The following MAP4K3 variants were observed in gnomAD, a reference collection of about 807,000 sequenced individuals.
MAP4K3 encodes MAPK/ERK kinase kinase kinase 3.
In MAP4K3, 94 loss-of-function variants were observed where a neutral mutation model predicts 143.5. That is an observed-to-expected ratio of 0.65 (90% CI 0.55 to 0.78). MAP4K3 has a LOEUF of 0.78. MAP4K3 is among the 30% of genes least tolerant of loss of function. MAP4K3 has a pLI of 0.00. For missense variants in MAP4K3, 1,077 were observed against 1,068.1 expected (o/e 1.01, Z -0.12); for synonymous variants, 416 against 347.2 (o/e 1.20, Z -2.20).
intron 1 of MAP4K3, among the ~76,000 whole-genome samples, chr2:39,403,516 C>G (rs11680220): frequency 0.36 from 54,648 of 151,844 alleles, 11,490 homozygotes; most frequent in East Asian, 0.76. Context: ...TCAGCTGACA[C>G]CCGACCATGG....
chr2:39,359,593 C>G (rs1258426494), intron 2 of MAP4K3, among the ~76,000 whole-genome samples: 1 of 152,272 alleles, frequency 6.6e-6, no homozygotes, highest in Non-Finnish European at 1.5e-5. Context: ...CCCTTCTGCA[C>G]TGCCCTAGCA....
rs773937553 is a variant in MAP4K3 at position 39,343,389 on chromosome 2, G to A, written c.309C>T (p.His103=). The change falls in exon 4 of 34, where the codon CAC becomes CAT. Residue 103 remains histidine (H), a splice_region_variant and synonymous_variant. Coordinates refer to ENST00000263881, the MANE Select transcript of MAP4K3 (RefSeq NM_003618.4). The stretch of plus-strand genomic sequence containing the variant: ...ATAAAAATACAACTTTGGTCTTACC[G>A]TGATAAATATCCTGTAAAGAACCAC... ...CGGGSLQDIY[H]VTGPLSELQI... 31 of 1,610,368 alleles carry A rather than the reference G, an allele frequency of 1.9e-5. No individual in the cohort carries two copies. Among genetic ancestry groups the A allele is most frequent in the African/African-American group, 8.0e-5 (6 of 74,788 alleles).
chr2:39,327,410 C>A (rs1011046724), intron 8 of MAP4K3, among the ~76,000 whole-genome samples: 1 of 152,106 alleles, frequency 6.6e-6, no homozygotes, highest in Non-Finnish European at 1.5e-5. Flanking sequence ...TACTTTGCTA[C>A]AGTCTTATTC....
At chr2:39,394,114 T>G (rs1055064765) in intron 1 of MAP4K3, among the ~76,000 whole-genome samples, 2 of 152,222 alleles carry the variant, frequency 1.3e-5, no homozygotes, top group African/African-American at 4.8e-5. Flanking sequence ...TATAAAAATT[T>G]TTCTACCATT....
chr2:39,383,271 G>A (rs1034934284), intron 1 of MAP4K3, among the ~76,000 whole-genome samples: 1 of 152,164 alleles, frequency 6.6e-6, no homozygotes, highest in African/African-American at 2.4e-5. Context: ...CAAGGCAAAA[G>A]GGGAAGCAAA....
In MAP4K3 at chr2:39,249,422, T is replaced by G. The variant is rs984551976; in HGVS notation, c.*1196A>C. ...CTCACATTAAAATATAAAGAACATA[T>G]ACCAAAAAGAGCCAAAAGTGTGCAT... is the stretch of plus-strand genomic sequence containing the variant. On this transcript the variant is annotated 3_prime_UTR_variant, in exon 34 of 34. Coordinates refer to ENST00000263881, the MANE Select transcript of MAP4K3 (RefSeq NM_003618.4). The G allele has an allele frequency of 6.6e-6, 1 of 152,558 alleles. No individual in the cohort carries two copies. The highest frequency in any genetic ancestry group is 2.4e-5 in the African/African-American group (1 of 41,442). The allele number at this position is 152,558 out of a possible 1,614,324, so 9.5% of individuals were successfully genotyped here.
rs1434354763 is a variant in MAP4K3 at position 39,419,117 on chromosome 2, T to C, written c.96+17775A>G. Among the ~76,000 whole-genome samples the C allele has an allele frequency of 3.3e-5, 5 of 152,154 alleles. No homozygotes were observed. In the South Asian group the frequency reaches 1.0e-3, roughly 31 times the overall value. ...TAAAAATCTTATATAGTAAGTGAAA[T>C]ATTTTAAATAATGTTTTAAATAGTA... is the stretch of plus-strand genomic sequence containing the variant. On this transcript the variant is annotated intron_variant, in intron 1 of 33. Coordinates refer to ENST00000263881, the MANE Select transcript of MAP4K3 (RefSeq NM_003618.4).
intron 21 of MAP4K3, among the ~76,000 whole-genome samples, chr2:39,283,183 T>C (rs1681614517): frequency 6.6e-6 from 1 of 152,174 alleles, no homozygotes; most frequent in Non-Finnish European, 1.5e-5. Flanking sequence ...AAACTACTGA[T>C]ACACAGGGTC....
At position 39,268,634 on chromosome 2, in the gene MAP4K3, A is replaced by ATTTTTTTTTT. The variant is rs70954799; in HGVS notation, c.1974-1397_1974-1388dup. Reference sequence around the variant, plus strand: ...CTGTGCCCGGCTAAAGATTTTTTCTATTTTTTTTTTTTTTTTTTTTTTTGA... The same window carrying ATTTTTTTTTT: ...CTGTGCCCGGCTAAAGATTTTTTCTATTTTTTTTTTTTTTTTTTTTTTTTTTTTTTTTTGA... On this transcript the variant is annotated intron_variant, in intron 26 of 33. Coordinates refer to ENST00000263881, the MANE Select transcript of MAP4K3 (RefSeq NM_003618.4). 2.4e-3 allele frequency among the ~76,000 whole-genome samples: 180 copies of ATTTTTTTTTT among 73,786 alleles called. 24 individuals carry two copies. The highest frequency in any genetic ancestry group is 3.5e-3 in the Admixed American group (15 of 4,260). 48.4% of individuals were successfully genotyped at this position (73,786 alleles called of 152,430 possible).
intron 15 of MAP4K3, among the ~76,000 whole-genome samples, chr2:39,302,004 C>CAG (rs1558633535): frequency 6.6e-6 from 1 of 150,520 alleles, no homozygotes; most frequent in South Asian, 2.1e-4. Context: ...AGCTTGGCGA[C>CAG]AGAGAGAGAC....
chr2:39,421,708 C>G (rs758429576), intron 1 of MAP4K3, among the ~76,000 whole-genome samples: 9 of 152,116 alleles, frequency 5.9e-5, no homozygotes, highest in African/African-American at 9.7e-5. Flanking sequence ...TTATTAATAT[C>G]TAATGTTCTC....
At chr2:39,428,547 G>C (rs1357793866) in intron 1 of MAP4K3, among the ~76,000 whole-genome samples, 1 of 151,592 alleles carries the variant, frequency 6.6e-6, no homozygotes. Flanking sequence ...GTGGTGACGG[G>C]TGCCTGTAAT....
intron 1 of MAP4K3, among the ~76,000 whole-genome samples, chr2:39,387,134 A>T (rs1429510355): frequency 6.6e-6 from 1 of 152,144 alleles, no homozygotes; most frequent in African/African-American, 2.4e-5. Context: ...GTAGTTTTAT[A>T]GTAAATTTTA....
At chr2:39,315,104 G>T (rs1403812540) in intron 13 of MAP4K3, among the ~76,000 whole-genome samples, 1 of 152,010 alleles carries the variant, frequency 6.6e-6, no homozygotes, top group Non-Finnish European at 1.5e-5. Context: ...CTCCCAAACA[G>T]TAACAACATA....
intron 1 of MAP4K3, 142 bp downstream of exon 1, chr2:39,436,750 C>T: frequency 1.5e-6 from 1 of 677,968 alleles, no homozygotes; most frequent in Admixed American, 2.4e-5. Context: ...GGCAGCAGAG[C>T]CCTTGGCGTC....
chr2:39,326,295 G>A lies in MAP4K3; in HGVS notation c.531-18C>T, dbSNP rs1310540156. 1.2e-6 allele frequency: 2 copies of A among 1,607,614 alleles called. No individual in the cohort carries two copies. Among genetic ancestry groups the A allele is most frequent in the African/African-American group, 1.3e-5 (1 of 74,224 alleles). ...GAGCCATCCTGAAATAAATATTCCAGAAAATAAAAAACTTCTGTTATATGT... is the reference window on the plus strand; with the variant it reads ...GAGCCATCCTGAAATAAATATTCCAAAAAATAAAAAACTTCTGTTATATGT... On this transcript the variant is annotated intron_variant, in intron 8 of 33. Transcript: ENST00000263881.
chr2:39,343,483 T>A (rs1241239529), intron 3 of MAP4K3, 31 bp from the exon 4 acceptor site: 1 of 1,586,220 alleles, frequency 6.3e-7, no homozygotes, highest in Non-Finnish European at 8.6e-7. Flanking sequence ...TGTATCATAT[T>A]TTCATGATTA....
chr2:39,329,248 TGAG>T (rs1232597439), intron 8 of MAP4K3, among the ~76,000 whole-genome samples: 1 of 152,198 alleles, frequency 6.6e-6, no homozygotes, highest in Non-Finnish European at 1.5e-5. Context: ...ACAATAAAAC[TGAG>T]AAGACAGTGT....
At chr2:39,281,689 C>T (rs17023573) in intron 22 of MAP4K3, among the ~76,000 whole-genome samples, 9,915 of 151,994 alleles carry the variant, frequency 0.065, 614 homozygotes, top group African/African-American at 0.16. Context: ...TTTTATCTTA[C>T]AGTCAAGTGG....
Sources: gnomAD v4.1 joint callset for allele counts (sites outside exome capture counted in the v4.1 genomes callset) on GRCh38, gnomAD v4.1.1 for gene constraint, MANE v1.5 for transcripts, NCBI Gene and HGNC (gene_info 2026-07-23, HGNC 2026-07-21) for gene names.